The following PHF14 variants were observed in gnomAD, a reference collection of about 807,000 sequenced individuals.
PHF14 encodes the protein PHD finger protein 14.
In PHF14, 55 loss-of-function variants were observed where a neutral mutation model predicts 117.9. The ratio of observed to expected loss-of-function variants is 0.47; its 90% CI spans 0.38 to 0.58. PHF14 has a LOEUF of 0.58. Among genes scored for constraint, PHF14 ranks in the 20% least tolerant of loss-of-function variants. The pLI, the probability that PHF14 is intolerant of heterozygous loss-of-function variation, is 0.00. For missense variants in PHF14, 978 were observed against 1,122.2 expected (o/e 0.87, Z 1.84); for synonymous variants, 409 against 368.6 (o/e 1.11, Z -1.26).
At chr7:10,978,293 A>G (rs1039389789) in intron 2 of PHF14, among the ~76,000 whole-genome samples, 3 of 152,250 alleles carry the variant, frequency 2.0e-5, no homozygotes, top group African/African-American at 7.2e-5. Flanking sequence ...TGTAAGTAAA[A>G]TAAAAATTAG....
intron 12 of PHF14, among the ~76,000 whole-genome samples, chr7:11,041,980 G>A (rs1784517776): frequency 1.3e-5 from 2 of 151,626 alleles, no homozygotes; most frequent in African/African-American, 4.8e-5. Flanking sequence ...TGGTGCTTGT[G>A]TACGCAGGTG....
At position 11,036,477 on chromosome 7, in the gene PHF14, C is replaced by T; in HGVS notation, c.1662C>T (p.Thr554=). 8 of 1,613,734 alleles carry T rather than the reference C, an allele frequency of 5.0e-6. No individual in the cohort carries two copies. Among genetic ancestry groups the T allele is most frequent in the Non-Finnish European group, 6.8e-6 (8 of 1,179,686 alleles). Reference sequence around the variant, plus strand: ...CCAAAGCAGAACTAGCTCGATCTACCAGACCCCAGGCCTGGGTTCCAAGGG... The same window carrying T: ...CCAAAGCAGAACTAGCTCGATCTACTAGACCCCAGGCCTGGGTTCCAAGGG... ...YRAKAELARS[T]RPQAWVPREK... The change falls in exon 9 of 18, where the codon ACC becomes ACT. Residue 554 remains threonine (T), a synonymous_variant. Coordinates refer to ENST00000634607, the MANE Select transcript of PHF14 (RefSeq NM_001007157.2).
rs115480512 is a variant in PHF14 at position 11,013,945 on chromosome 7, A to G, written c.1205+39A>G. 1,621 of 1,431,690 alleles carry G rather than the reference A, an allele frequency of 1.1e-3. 8 individuals carry two copies. The African/African-American group carries it at 0.02, about 18-fold the overall frequency. The allele number at this position is 1,431,690 out of a possible 1,614,324, so 88.7% of individuals were successfully genotyped here. On this transcript the variant is annotated intron_variant, in intron 5 of 17. Transcript: ENST00000634607. ...TTATGTTGGTTCATATGTTTGCTTT[A>G]TAATGTGTCTGCCTTTGACTTCCCT...
intron 4 of PHF14, among the ~76,000 whole-genome samples, chr7:10,999,374 A>T (rs1435681566): frequency 6.6e-6 from 1 of 152,092 alleles, no homozygotes; most frequent in East Asian, 1.9e-4. Flanking sequence ...CTTGTTGCTG[A>T]TATTTGGGCT....
chr7:11,049,439 G>T lies in PHF14; in HGVS notation c.2313-2173G>T, dbSNP rs530677283. On this transcript the variant is annotated intron_variant, in intron 13 of 17. Transcript: ENST00000634607. The stretch of plus-strand genomic sequence containing the variant: ...GCAGTGAGCCGAGATCGTGCCACTG[G>T]ACTCCAGCCTGGGCGACTTAGCAAG... 2.7e-5 allele frequency among the ~76,000 whole-genome samples: 4 copies of T among 148,728 alleles called. No individual in the cohort carries two copies. In the East Asian group the frequency reaches 7.9e-4, roughly 29 times the overall value.
In PHF14 at chr7:10,982,863, G is replaced by T. The variant is rs762526621; in HGVS notation, c.604G>T (p.Asp202Tyr). 3.1e-6 allele frequency: 5 copies of T among 1,613,748 alleles called. No homozygotes were observed. In the South Asian group the frequency reaches 5.5e-5, roughly 18 times the overall value. ...LDFVSMEELN[D>Y]MDDYDSEDDN... Reference sequence around the variant, plus strand: ...TTTTGTGTCCATGGAAGAGCTGAATGACATGGATGACTATGACAGTGAGGA... The same window carrying T: ...TTTTGTGTCCATGGAAGAGCTGAATTACATGGATGACTATGACAGTGAGGA... Residue 202 changes from aspartate to tyrosine, a missense_variant, in exon 3 of 18, where the codon GAC (aspartate) becomes TAC (tyrosine). Physicochemically the swap from Asp to Tyr is radical, Grantham distance 160. Coordinates refer to ENST00000634607, the MANE Select transcript of PHF14 (RefSeq NM_001007157.2).
At chr7:11,017,012 T>C (rs1180485922) in intron 5 of PHF14, among the ~76,000 whole-genome samples, 1 of 152,234 alleles carries the variant, frequency 6.6e-6, no homozygotes, top group Non-Finnish European at 1.5e-5. Context: ...TTTGTCTTGC[T>C]GTGCCTGGCT....
intron 17 of PHF14, among the ~76,000 whole-genome samples, chr7:11,136,241 A>G (rs1788217239): frequency 2.0e-5 from 3 of 152,030 alleles, no homozygotes; most frequent in Admixed American, 2.0e-4. Context: ...CCGTGGTGGG[A>G]TGCTGTTAAA....
chr7:11,103,304 T>A (rs1787153015), intron 16 of PHF14: 1 of 868,512 alleles, frequency 1.2e-6, no homozygotes, highest in Non-Finnish European at 1.4e-6. Flanking sequence ...GTCCTTATTG[T>A]TTTAATATAA....
intron 16 of PHF14, chr7:11,109,044 G>A (rs1012631104): frequency 2.0e-5 from 3 of 151,672 alleles, no homozygotes; most frequent in Non-Finnish European, 4.4e-5. Flanking sequence ...TAAAGTTAAG[G>A]AGAAAAGACT....
chr7:11,042,186 T>C (rs1207722336), intron 12 of PHF14, among the ~76,000 whole-genome samples: 3 of 152,000 alleles, frequency 2.0e-5, no homozygotes, highest in Admixed American at 1.3e-4. Context: ...AAGAGACTCA[T>C]GTATACTTGC....
At chr7:11,164,641 A>G (rs1479537936) in intron 17 of PHF14, among the ~76,000 whole-genome samples, 1 of 152,156 alleles carries the variant, frequency 6.6e-6, no homozygotes, top group African/African-American at 2.4e-5. Flanking sequence ...CTTTGAAATA[A>G]TTTTAAATTT....
At chr7:11,141,285 A>C (rs1562483762) in intron 17 of PHF14, among the ~76,000 whole-genome samples, 1 of 152,094 alleles carries the variant, frequency 6.6e-6, no homozygotes, top group African/African-American at 2.4e-5. Context: ...TCTGTAATTA[A>C]GAAATCCGGA....
chr7:11,083,331 A>C (rs1343890497), intron 16 of PHF14, among the ~76,000 whole-genome samples: 1 of 152,094 alleles, frequency 6.6e-6, no homozygotes, highest in South Asian at 2.1e-4. Context: ...TTGGAGTCTT[A>C]TTCCTCACTT....
chr7:11,163,053 A>G (rs2353791), intron 17 of PHF14, among the ~76,000 whole-genome samples: 70,585 of 151,982 alleles, frequency 0.46, 16,939 homozygotes, highest in East Asian at 0.61. Flanking sequence ...AAAAATATTT[A>G]CTATTAATAA....
At chr7:11,011,429 T>A (rs549384427) in intron 4 of PHF14, among the ~76,000 whole-genome samples, 1 of 152,366 alleles carries the variant, frequency 6.6e-6, no homozygotes, top group African/African-American at 2.4e-5. Flanking sequence ...TGAAGTCTTT[T>A]AGGAGACGAT....
intron 17 of PHF14, among the ~76,000 whole-genome samples, chr7:11,139,812 A>G (rs560293788): frequency 6.6e-6 from 1 of 152,180 alleles, no homozygotes; most frequent in Non-Finnish European, 1.5e-5. Context: ...TATAGAATTG[A>G]TGAAAATTGA....
chr7:11,032,216 G>C (rs1359633855), intron 7 of PHF14, among the ~76,000 whole-genome samples: 2 of 152,170 alleles, frequency 1.3e-5, no homozygotes, highest in African/African-American at 4.8e-5. Flanking sequence ...TTCTATTAGA[G>C]CATATATGGC....
chr7:11,016,798 G>A lies in PHF14; in HGVS notation c.1205+2892G>A, dbSNP rs544118475. The stretch of plus-strand genomic sequence containing the variant: ...GTGTACAATTTAGTTTTTCTTGACT[G>A]TAGTCACCCTGTTGTGCTATTAAAC... On this transcript the variant is annotated intron_variant, in intron 5 of 17. Coordinates refer to ENST00000634607, the MANE Select transcript of PHF14 (RefSeq NM_001007157.2). Among the ~76,000 whole-genome samples, 457 of 152,188 alleles carry A rather than the reference G, an allele frequency of 3.0e-3. 1 individual carries two copies. Among genetic ancestry groups the A allele is most frequent in the Non-Finnish European group, 4.5e-3 (308 of 68,000 alleles).
Sources: gnomAD v4.1 joint callset for allele counts (sites outside exome capture counted in the v4.1 genomes callset) on GRCh38, gnomAD v4.1.1 for gene constraint, MANE v1.5 for transcripts, NCBI Gene and HGNC (gene_info 2026-07-23, HGNC 2026-07-21) for gene names.